Variants in ABCC9 observed in about 807,000 individuals in gnomAD.
The protein encoded by ABCC9 is ATP-binding cassette sub-family C member 9.
ABCC9 carries 95 observed loss-of-function variants against 188.3 expected under a neutral mutation model. That is an observed-to-expected ratio of 0.50 (90% confidence interval 0.43 to 0.60). The LOEUF (loss-of-function observed/expected upper bound fraction) is 0.60. Among genes scored for constraint, ABCC9 ranks in the 20% least tolerant of loss-of-function variants. The pLI, the probability that ABCC9 is intolerant of heterozygous loss-of-function variation, is 0.00. For missense variants in ABCC9, 1,102 were observed against 1,876.3 expected (o/e 0.59, Z 7.62); for synonymous variants, 659 against 652.7 (o/e 1.01, Z -0.15).
In ABCC9 at chr12:21,848,229, T is replaced by C; in HGVS notation, c.2787A>G (p.Gln929=). ...QELEKDMEAD[Q]TTLERKTLRR... ...GGAGAGTTTTCCTCTCTAAAGTAGT[T>C]TGGTCAGCTTCCATATCCTGCAGTA... Residue 929 remains glutamine (Q), a synonymous_variant, in exon 25 of 40, where the codon CAA becomes CAG. Transcript: ENST00000261200. 4 of 1,613,444 alleles carry C rather than the reference T, an allele frequency of 2.5e-6. No homozygotes were observed. The highest frequency in any genetic ancestry group is 3.4e-6 in the Non-Finnish European group (4 of 1,179,516).
intron 35 of ABCC9, among the ~76,000 whole-genome samples, chr12:21,813,766 A>T (rs1348970474): frequency 6.6e-6 from 1 of 152,332 alleles, no homozygotes; most frequent in East Asian, 1.9e-4. Flanking sequence ...CAAAAAAACT[A>T]TATTTACTAT....
In ABCC9 at chr12:21,854,978, A is replaced by G. The variant is rs896390021; in HGVS notation, c.2506-2473T>C. Among the ~76,000 whole-genome samples the G allele has an allele frequency of 2.6e-5, 4 of 152,278 alleles. No homozygotes were observed. The East Asian group carries it at 7.7e-4, about 29-fold the overall frequency. ...AATTATCAAGATTTAGCAAATCTTG[A>G]TATCAGCAAATTATTGGTTTTAGAA... On this transcript the variant is annotated intron_variant, in intron 22 of 39. Coordinates refer to ENST00000261200, the MANE Select transcript of ABCC9 (RefSeq NM_020297.4).
At chr12:21,826,078 A>G in intron 31 of ABCC9, among the ~76,000 whole-genome samples, 1 of 152,176 alleles carries the variant, frequency 6.6e-6, no homozygotes, top group East Asian at 1.9e-4. Context: ...CTTCTAATTT[A>G]TGTCCAATGA....
At chr12:21,930,876 T>C (rs1317673505) in intron 4 of ABCC9, among the ~76,000 whole-genome samples, 3 of 152,140 alleles carry the variant, frequency 2.0e-5, no homozygotes, top group Admixed American at 6.5e-5. Context: ...GGGGTTTTGA[T>C]AGCAGGGAAG....
rs1278632175 is a variant in ABCC9, at chr12:21,921,196, CA to C, written c.407-4094del. Among the ~76,000 whole-genome samples, 27 of 152,078 alleles carry C rather than the reference CA, an allele frequency of 1.8e-4. No individual in the cohort carries two copies. In the East Asian group the frequency reaches 4.8e-3, roughly 27 times the overall value. The stretch of plus-strand genomic sequence containing the variant: ...AATTTACATTTCCACCAATAGTGTA[CA>C]AGGGTTTCCTTTTCTCCTCATTCTT... On this transcript the variant is annotated intron_variant, in intron 5 of 39. Transcript: ENST00000261200.
At chr12:21,860,491 T>C (rs1945450583) in intron 21 of ABCC9, among the ~76,000 whole-genome samples, 1 of 152,338 alleles carries the variant, frequency 6.6e-6, no homozygotes, top group South Asian at 2.1e-4. Flanking sequence ...ATTAAAACAT[T>C]GTAGACGTTG....
In ABCC9 at chr12:21,924,019, G is replaced by C. The variant is rs1592246405; in HGVS notation, c.406+1923C>G. ...AGCCTTACTTAAAAGTCTATACTGT[G>C]TCATTCAATTTACATGAAGTTCTAG... On this transcript the variant is annotated intron_variant, in intron 5 of 39. Coordinates refer to ENST00000261200, the MANE Select transcript of ABCC9 (RefSeq NM_020297.4). The C allele has an allele frequency of 6.5e-6, 3 of 463,440 alleles. No homozygotes were observed. The East Asian group carries it at 9.8e-5, about 15-fold the overall frequency. 28.7% of individuals were successfully genotyped at this position (463,440 alleles called of 1,614,324 possible). A position where few individuals can be genotyped will look rare whatever the true frequency, so the allele number is the denominator to read the frequency against.
intron 18 of ABCC9, among the ~76,000 whole-genome samples, chr12:21,867,132 A>G (rs113343625): frequency 0.018 from 2,816 of 152,250 alleles, 97 homozygotes; most frequent in African/African-American, 0.064. Flanking sequence ...GTAGGTAATC[A>G]TCTTCCAAAA....
intron 36 of ABCC9, among the ~76,000 whole-genome samples, chr12:21,810,535 C>T (rs1017673944): frequency 1.3e-5 from 2 of 152,040 alleles, no homozygotes; most frequent in Non-Finnish European, 1.5e-5. Flanking sequence ...CACATGGTGG[C>T]AGGAGAGAGA....
chr12:21,851,347 C>T (rs7966768), intron 24 of ABCC9, among the ~76,000 whole-genome samples: 18,524 of 152,130 alleles, frequency 0.12, 1,527 homozygotes, highest in Middle Eastern at 0.28. Flanking sequence ...TCACCCATAA[C>T]ATTATAGTGT....
chr12:21,812,125 T>G lies in ABCC9; in HGVS notation c.4135A>C (p.Lys1379Gln). The change falls in exon 36 of 40, where the codon AAA (lysine) becomes CAA (glutamine). Residue 1379 changes from lysine (K) to glutamine (Q), a missense_variant. Physicochemically the swap from Lys to Gln is moderately conservative, Grantham distance 53. Around this residue, in one of 12 missense-constraint regions of ABCC9, gnomAD observed 67 missense variants for 101.0 expected, o/e 0.66. Transcript: ENST00000261200. The part of the protein sequence containing the change: ...KIVIDGIDIS[K>Q]LPLHTLRSRL... ...GAACGTAGTGTGTGCAGTGGTAATT[T>G]GGAAATGTCTATCCCATCAATGACA... 2 of 1,612,926 alleles carry G rather than the reference T, an allele frequency of 1.2e-6. No individual in the cohort carries two copies. Among genetic ancestry groups the G allele is most frequent in the Admixed American group, 3.3e-5 (2 of 59,978 alleles).
chr12:21,852,282 A>G, intron 23 of ABCC9, 60 bp from the exon 24 acceptor site: 1 of 1,613,212 alleles, frequency 6.2e-7, no homozygotes, highest in Non-Finnish European at 8.5e-7. Flanking sequence ...AAAATGAACT[A>G]CCTTTATTTC....
intron 22 of ABCC9, among the ~76,000 whole-genome samples, chr12:21,857,322 G>A (rs1269360692): frequency 1.3e-5 from 2 of 152,156 alleles, no homozygotes; most frequent in Non-Finnish European, 2.9e-5. Flanking sequence ...CTAGAGAAAT[G>A]TAAATTTAGA....
chr12:21,917,171 A>C, intron 5 of ABCC9, 68 bp from the exon 6 acceptor site: 1 of 1,514,980 alleles, frequency 6.6e-7, no homozygotes, highest in South Asian at 1.1e-5. Context: ...TTTGAATGTA[A>C]TTATGATGCT....
intron 31 of ABCC9, among the ~76,000 whole-genome samples, chr12:21,826,083 C>A (rs1943362678): frequency 6.6e-6 from 1 of 152,032 alleles, no homozygotes; most frequent in Non-Finnish European, 1.5e-5. Flanking sequence ...AATTTATGTC[C>A]AATGAAGTGA....
In ABCC9 at chr12:21,844,755, C is replaced by G; in HGVS notation, c.3245+12G>C. ...TTTTATGTGTGGGAGTGAGAAATAACCACTGTTTTACCTTATTGGTCCAAG... is the reference window on the plus strand; with the variant it reads ...TTTTATGTGTGGGAGTGAGAAATAAGCACTGTTTTACCTTATTGGTCCAAG... On this transcript the variant is annotated intron_variant, in intron 27 of 39. Transcript: ENST00000261200. The G allele has an allele frequency of 6.2e-7, 1 of 1,613,662 alleles. No homozygotes were observed. Among genetic ancestry groups the G allele is most frequent in the Non-Finnish European group, 8.5e-7 (1 of 1,179,684 alleles).
chr12:21,815,629 TGCAG>T (rs1242088937), intron 34 of ABCC9, 130 bp downstream of exon 34: 64 of 1,062,252 alleles, frequency 6.0e-5, no homozygotes, highest in Admixed American at 4.6e-4. Context: ...TTTTCTTTTA[TGCAG>T]ATAATTTGAC....
At chr12:21,840,083 G>A (rs974006969) in intron 29 of ABCC9, among the ~76,000 whole-genome samples, 1 of 152,222 alleles carries the variant, frequency 6.6e-6, no homozygotes, top group East Asian at 1.9e-4. Flanking sequence ...AAACCAAAGA[G>A]GTGAGGGCAC....
At chr12:21,839,639 C>A (rs376054649) in intron 29 of ABCC9, among the ~76,000 whole-genome samples, 11 of 152,166 alleles carry the variant, frequency 7.2e-5, no homozygotes, top group African/African-American at 2.7e-4. Context: ...CCATTTTTTA[C>A]TTTTCAGACC....
Sources: gnomAD v4.1 joint callset for allele counts (sites outside exome capture counted in the v4.1 genomes callset) on GRCh38, gnomAD v4.1.1 for gene constraint, gnomAD v4.1.1 regional missense constraint, MANE v1.5 for transcripts, NCBI Gene and HGNC (gene_info 2026-07-23, HGNC 2026-07-21) for gene names.